Variants in KIF15 observed in about 807,000 individuals in gnomAD.
KIF15 encodes the protein kinesin family member 15.
In KIF15, 140 loss-of-function variants were observed where a neutral mutation model predicts 190.6. That is an observed-to-expected ratio of 0.73 (90% CI 0.64 to 0.84). KIF15 has a LOEUF of 0.84. KIF15 is among the 40% of genes least tolerant of loss of function. The pLI is 0.00. For synonymous variants in KIF15, 528 were observed against 551.3 expected (o/e 0.96, Z 0.59); for missense variants, 1,372 against 1,584.4 (o/e 0.87, Z 2.28).
chr3:44,786,044 GTC>G (rs1468210248), intron 6 of KIF15, among the ~76,000 whole-genome samples: 16 of 152,062 alleles, frequency 1.1e-4, no homozygotes, highest in African/African-American at 3.9e-4. Context: ...GTGAAACCCC[GTC>G]TCTACTAAAA....
chr3:44,768,910 G>T (rs1284822086), intron 1 of KIF15, among the ~76,000 whole-genome samples: 1 of 152,166 alleles, frequency 6.6e-6, no homozygotes, highest in South Asian at 2.1e-4. Context: ...CAAGGATGGG[G>T]TAAGGACAGA....
intron 30 of KIF15, 66 bp downstream of exon 30, chr3:44,843,300 T>C: frequency 1.9e-6 from 2 of 1,048,008 alleles, no homozygotes; most frequent in South Asian, 1.4e-5. Context: ...TTAAATGAGG[T>C]TGGAATTGGT....
intron 3 of KIF15, among the ~76,000 whole-genome samples, chr3:44,777,806 T>G (rs901450172): frequency 2.6e-5 from 4 of 152,234 alleles, no homozygotes; most frequent in African/African-American, 9.6e-5. Flanking sequence ...TGCAAACTTA[T>G]GAGAAAAATC....
At chr3:44,802,735 C>G in intron 13 of KIF15, 79 bp from the exon 14 acceptor site, 1 of 1,413,382 alleles carries the variant, frequency 7.1e-7, no homozygotes, top group Non-Finnish European at 9.5e-7. Flanking sequence ...ACCTAGTTTT[C>G]TAATGGCTTT....
intron 14 of KIF15, among the ~76,000 whole-genome samples, chr3:44,803,798 C>T (rs1056465897): frequency 4.6e-5 from 7 of 152,146 alleles, no homozygotes; most frequent in Non-Finnish European, 8.8e-5. Flanking sequence ...ATAAGAGTCA[C>T]AGTAACTGGG....
intron 7 of KIF15, among the ~76,000 whole-genome samples, chr3:44,790,399 T>C (rs1285163388): frequency 6.6e-6 from 1 of 152,052 alleles, no homozygotes; most frequent in Non-Finnish European, 1.5e-5. Context: ...GGCTGGTCTT[T>C]ACACAGACAG....
At chr3:44,812,814 G>A (rs1364442767) in intron 18 of KIF15, among the ~76,000 whole-genome samples, 2 of 152,244 alleles carry the variant, frequency 1.3e-5, no homozygotes, top group Middle Eastern at 3.4e-3. Context: ...GCGAAACCCC[G>A]TCTCTACTAA....
intron 22 of KIF15, chr3:44,826,898 G>C (rs565589208): frequency 2.1e-5 from 8 of 376,426 alleles, no homozygotes; most frequent in Non-Finnish European, 3.8e-5. Context: ...TGAATCTTTG[G>C]GCCTCGGTCA....
chr3:44,805,186 A>C lies in KIF15; in HGVS notation c.1829+18A>C. Reference sequence around the variant, plus strand: ...CTTACTAGGTAAAGTCTAAATACACATGCATGCACACTTATTTTCTTTCAG... The same window carrying C: ...CTTACTAGGTAAAGTCTAAATACACCTGCATGCACACTTATTTTCTTTCAG... On this transcript the variant is annotated intron_variant, in intron 15 of 34. Transcript: ENST00000326047. The C allele has an allele frequency of 1.3e-6, 2 of 1,593,020 alleles. No individual in the cohort carries two copies. Among genetic ancestry groups the C allele is most frequent in the Non-Finnish European group, 1.7e-6 (2 of 1,170,104 alleles).
chr3:44,774,309 A>T, intron 1 of KIF15, 86 bp from the exon 2 acceptor site: 1 of 1,175,244 alleles, frequency 8.5e-7, no homozygotes, highest in Non-Finnish European at 1.2e-6. Context: ...GGCTGAATGT[A>T]GCAGGCAACC....
At position 44,778,127 on chromosome 3, in the gene KIF15, G is replaced by A. The variant is rs1406349505; in HGVS notation, c.259G>A (p.Ala87Thr). The change falls in exon 4 of 35, where the codon GCA becomes ACA. Residue 87 changes from alanine (A) to threonine (T), a missense_variant. Ala to Thr is a moderately conservative substitution (Grantham distance 58). Transcript: ENST00000326047. The part of the protein sequence containing the change: ...DVDTTQESVF[A>T]TVAKSIVESC... ...GTTACATTTGTAGGAATCTGTATTCGCAACTGTGGCTAAAAGCATTGTGGA... is the reference window on the plus strand; with the variant it reads ...GTTACATTTGTAGGAATCTGTATTCACAACTGTGGCTAAAAGCATTGTGGA... The A allele has an allele frequency of 1.5e-5, 25 of 1,613,146 alleles. No individual in the cohort carries two copies. The highest frequency in any genetic ancestry group is 2.2e-5 in the East Asian group (1 of 44,856).
chr3:44,825,042 G>A (rs1697566917), intron 20 of KIF15, among the ~76,000 whole-genome samples: 1 of 152,186 alleles, frequency 6.6e-6, no homozygotes, highest in Non-Finnish European at 1.5e-5. Flanking sequence ...TTAGAGGCAT[G>A]AGCCACTGTG....
rs72875737 is a variant in KIF15 at position 44,801,948 on chromosome 3, A to G, written c.1483A>G (p.Asn495Asp). ...GGATCGTTTGCTCTCAGAATTAAGG[A>G]ATGAGATTCAAACTCTGCGAGAACA... is the stretch of plus-strand genomic sequence containing the variant. The part of the protein sequence containing the change: ...EQDRLLSELR[N>D]EIQTLREQIE... The change falls in exon 13 of 35, where the codon AAT (asparagine) becomes GAT (aspartate). Residue 495 changes from asparagine (N) to aspartate (D), a missense_variant. Transcript: ENST00000326047. The G allele has an allele frequency of 2.6e-3, 4,249 of 1,612,488 alleles. 76 individuals carry two copies. In the African/African-American group the frequency reaches 0.043, roughly 16 times the overall value.
At chr3:44,840,016 G>A (rs1226513354) in intron 27 of KIF15, among the ~76,000 whole-genome samples, 2 of 152,204 alleles carry the variant, frequency 1.3e-5, no homozygotes, top group Non-Finnish European at 2.9e-5. Flanking sequence ...TCAATAGACT[G>A]ATTTTAATTC....
At chr3:44,783,958 C>A (rs1706283759) in intron 5 of KIF15, among the ~76,000 whole-genome samples, 1 of 152,106 alleles carries the variant, frequency 6.6e-6, no homozygotes. Flanking sequence ...ATTTGCATAT[C>A]CACTCTTCCT....
In KIF15 at chr3:44,778,152, A is replaced by G. The variant is rs1228849738; in HGVS notation, c.284A>G (p.Glu95Gly). ...VFATVAKSIV[E>G]SCMSGYNGTI... is the part of the protein sequence containing the mutation. ...GCAACTGTGGCTAAAAGCATTGTGGAGTCTTGCATGAGCGGTTATAATGGT... is the reference window on the plus strand; with the variant it reads ...GCAACTGTGGCTAAAAGCATTGTGGGGTCTTGCATGAGCGGTTATAATGGT... Residue 95 changes from glutamate to glycine, a missense_variant, in exon 4 of 35, where the codon GAG becomes GGG. By Grantham distance (98) the Glu-to-Gly change is moderately conservative (BLOSUM62 -2). Transcript: ENST00000326047. 1.2e-6 allele frequency: 2 copies of G among 1,614,026 alleles called. No individual in the cohort carries two copies. The highest frequency in any genetic ancestry group is 1.7e-6 in the Non-Finnish European group (2 of 1,179,866).
In KIF15 at chr3:44,784,754, T is replaced by C. The variant is rs151271760; in HGVS notation, c.362-91T>C. ...GAGCACAAGTAGGAAACTGATTGTA[T>C]GGTGTATCATCTAATTTCTGTGTAA... On this transcript the variant is annotated intron_variant, in intron 5 of 34. Transcript: ENST00000326047. 970 of 684,580 alleles carry C rather than the reference T, an allele frequency of 1.4e-3. 18 individuals are homozygous for C. The Admixed American group carries it at 0.026, about 18-fold the overall frequency. 42.4% of individuals were successfully genotyped at this position (684,580 alleles called of 1,614,324 possible).
chr3:44,776,990 A>ATTTTTTT (rs371067828), intron 3 of KIF15, among the ~76,000 whole-genome samples: 5 of 116,856 alleles, frequency 4.3e-5, no homozygotes, highest in African/African-American at 1.3e-4. Context: ...AACATCACAG[A>ATTTTTTT]TTTTTTTTTT....
intron 1 of KIF15, among the ~76,000 whole-genome samples, chr3:44,765,257 T>G (rs774696481): frequency 5.9e-5 from 9 of 152,266 alleles, no homozygotes; most frequent in Non-Finnish European, 1.3e-4. Context: ...TGCACATAAG[T>G]GCAGATCAGT....
Sources: allele counts gnomAD v4.1 joint callset (sites outside exome capture counted in the v4.1 genomes callset), GRCh38; gene constraint gnomAD v4.1.1; transcripts MANE v1.5; gene names NCBI Gene and HGNC (gene_info 2026-07-23, HGNC 2026-07-21).